TENM3: variants seen among roughly 807,000 people sequenced by gnomAD.
TENM3 encodes the protein teneurin transmembrane protein 3.
TENM3 carries 63 observed loss-of-function variants against 255.1 expected under a neutral mutation model. That is an observed-to-expected ratio of 0.25 (90% CI 0.20 to 0.30). The LOEUF is 0.30. Ranked by LOEUF, TENM3 falls within the 10% of genes least tolerant of loss-of-function variation. The pLI is 1.00. For missense variants in TENM3, 2,929 were observed against 3,461.1 expected (o/e 0.85, Z 3.86); for synonymous variants, 1,306 against 1,322.3 (o/e 0.99, Z 0.27).
intron 11 of TENM3, among the ~76,000 whole-genome samples, chr4:182,682,749 A>G (rs1756274460): frequency 6.6e-6 from 1 of 152,142 alleles, no homozygotes; most frequent in Non-Finnish European, 1.5e-5. Context: ...TTTCAAGCCT[A>G]TTTTATTTTT....
the TENM3 span, among the ~76,000 whole-genome samples, chr4:181,543,161 A>G: frequency 7.2e-5 from 11 of 152,210 alleles, no homozygotes; most frequent in Non-Finnish European, 1.3e-4. Flanking sequence ...TATAAAATGT[A>G]TTCCCACTCT....
At chr4:181,505,853 C>T in the TENM3 span, among the ~76,000 whole-genome samples, 17 of 152,060 alleles carry the variant, frequency 1.1e-4, no homozygotes, top group East Asian at 1.9e-4. Context: ...AACTTTCAGC[C>T]GAAATTATAC....
chr4:181,523,659 C>T, the TENM3 span, among the ~76,000 whole-genome samples: 1 of 152,122 alleles, frequency 6.6e-6, no homozygotes, highest in Admixed American at 6.6e-5. Flanking sequence ...CTGGCCCTCC[C>T]CTTCTACAGC....
At chr4:182,641,737 A>G (rs982394423) in intron 5 of TENM3, among the ~76,000 whole-genome samples, 3 of 152,122 alleles carry the variant, frequency 2.0e-5, no homozygotes, top group African/African-American at 7.2e-5. Context: ...ATGTTGGTCA[A>G]GCTGGTCTCA....
chr4:182,650,005 C>T (rs1313483240), intron 5 of TENM3, among the ~76,000 whole-genome samples: 2 of 150,532 alleles, frequency 1.3e-5, no homozygotes, highest in African/African-American at 4.8e-5. Flanking sequence ...AACTCTCAAA[C>T]AACCTTAAAC....
At chr4:181,919,166 G>T in the TENM3 span, among the ~76,000 whole-genome samples, 4 of 152,138 alleles carry the variant, frequency 2.6e-5, no homozygotes, top group Non-Finnish European at 4.4e-5. Flanking sequence ...GTGTTTCCTT[G>T]TAAATTCCTT....
the TENM3 span, among the ~76,000 whole-genome samples, chr4:181,821,051 G>A: frequency 6.6e-6 from 1 of 152,140 alleles, no homozygotes; most frequent in Admixed American, 6.5e-5. Context: ...TATTCTCTGA[G>A]GAATTCCAGA....
rs375981513 is a variant in TENM3, at chr4:182,792,343, G to A, written c.5671G>A (p.Ala1891Thr). Reference sequence around the variant, plus strand: ...ATACGATATGTGGGACCGCCTGTCTGCCATCACCATGCCCAGTGTGGCTCG... The same window carrying A: ...ATACGATATGTGGGACCGCCTGTCTACCATCACCATGCCCAGTGTGGCTCG... ...FEYDMWDRLS[A>T]ITMPSVARHT... The change falls in exon 26 of 28, where the codon GCC (alanine) becomes ACC (threonine). Residue 1891 changes from alanine to threonine, a missense_variant. Coordinates refer to ENST00000511685, the MANE Select transcript of TENM3 (RefSeq NM_001080477.4). The surrounding 1 kb of genome is among the most constrained non-coding windows in gnomAD (Gnocchi z 6.3). The A allele has an allele frequency of 3.7e-6, 6 of 1,613,878 alleles. No individual in the cohort carries two copies. The African/African-American group carries it at 8.0e-5, about 22-fold the overall frequency.
intron 3 of TENM3, among the ~76,000 whole-genome samples, chr4:182,558,862 G>T (rs1399629897): frequency 6.6e-6 from 1 of 152,038 alleles, no homozygotes; most frequent in Non-Finnish European, 1.5e-5. Flanking sequence ...TCCAAAGAGG[G>T]TAAAATTGAT....
the TENM3 span, among the ~76,000 whole-genome samples, chr4:181,684,187 C>T: frequency 1.3e-5 from 2 of 152,116 alleles, no homozygotes; most frequent in East Asian, 1.9e-4. Context: ...CGATTGATTC[C>T]GGTTCCTATG....
At chr4:182,201,760 C>G (rs1754200155) in intron 1 of TENM3, among the ~76,000 whole-genome samples, 1 of 152,104 alleles carries the variant, frequency 6.6e-6, no homozygotes, top group Non-Finnish European at 1.5e-5. Context: ...TCATGGGGCT[C>G]TTGAAGTCAG....
intron 20 of TENM3, 71 bp downstream of exon 20, chr4:182,752,103 A>G: frequency 1.0e-6 from 1 of 961,936 alleles, no homozygotes. Context: ...TTGAAAATCC[A>G]TTTAGTGCCT....
the TENM3 span, among the ~76,000 whole-genome samples, chr4:181,943,426 G>A: frequency 6.6e-6 from 1 of 152,086 alleles, no homozygotes; most frequent in African/African-American, 2.4e-5. Flanking sequence ...AATTGTTTCT[G>A]ACTCCAAAGA....
Position 182,635,620 on chromosome 4 carries a change from C to T in TENM3, c.988+6731C>T, listed in dbSNP as rs181254285. On this transcript the variant is annotated intron_variant, in intron 5 of 27. Coordinates refer to ENST00000511685, the MANE Select transcript of TENM3 (RefSeq NM_001080477.4). ...GAGAACTACTCAAATTTTTACTATT[C>T]CTTTCATTTAAAAAATACATATGTA... Among the ~76,000 whole-genome samples, 498 of 152,140 alleles carry T rather than the reference C, an allele frequency of 3.3e-3. 2 individuals are homozygous for T. Among genetic ancestry groups the T allele is most frequent in the Middle Eastern group, 0.014 (4 of 294 alleles).
At chr4:181,972,203 C>T in the TENM3 span, among the ~76,000 whole-genome samples, 1 of 152,014 alleles carries the variant, frequency 6.6e-6, no homozygotes, top group African/African-American at 2.4e-5. Context: ...AGGCAGATGG[C>T]TTGAGCCCAG....
At chr4:182,221,927 A>G (rs1755873610) in intron 1 of TENM3, among the ~76,000 whole-genome samples, 1 of 152,024 alleles carries the variant, frequency 6.6e-6, no homozygotes, top group African/African-American at 2.4e-5. Context: ...TCTTGTGGAG[A>G]GTTTAAAAAA....
At chr4:181,874,772 C>G in the TENM3 span, among the ~76,000 whole-genome samples, 1 of 151,986 alleles carries the variant, frequency 6.6e-6, no homozygotes, top group Non-Finnish European at 1.5e-5. Context: ...ACAGCAGCCC[C>G]GGTGGCTGAT....
At position 182,324,148 on chromosome 4, in the gene TENM3, C is replaced by T; in HGVS notation, c.128C>T (p.Ser43Phe). ...CRVPTQKSYS[S>F]SETLKAFDHD... ...GTACCCACACAGAAGTCCTACAGTTCCAGCGAGACATTGAAAGCTTTTGAT... is the reference window on the plus strand; with the variant it reads ...GTACCCACACAGAAGTCCTACAGTTTCAGCGAGACATTGAAAGCTTTTGAT... Residue 43 changes from serine (S) to phenylalanine (F), a missense_variant, in exon 2 of 28, where the codon TCC (serine) becomes TTC (phenylalanine). Around this residue, in one of 6 missense-constraint regions of TENM3, gnomAD observed 283 missense variants for 256.9 expected, o/e 1.10. Transcript: ENST00000511685. 6.2e-7 allele frequency: 1 copy of T among 1,614,008 alleles called. No individual in the cohort carries two copies. The highest frequency in any genetic ancestry group is 8.5e-7 in the Non-Finnish European group (1 of 1,179,878).
the TENM3 span, among the ~76,000 whole-genome samples, chr4:182,051,453 C>T: frequency 2.7e-5 from 4 of 148,400 alleles, no homozygotes; most frequent in African/African-American, 9.9e-5. Context: ...TCTCGCCTCA[C>T]TGCAACCTCC....
Sources: allele counts gnomAD v4.1 joint callset (sites outside exome capture counted in the v4.1 genomes callset), GRCh38; gene constraint gnomAD v4.1.1; regional missense constraint gnomAD v4.1.1; non-coding constraint Gnocchi (gnomAD v3.1); transcripts MANE v1.5; gene names NCBI Gene and HGNC (gene_info 2026-07-23, HGNC 2026-07-21).